Variants in MTUS2 observed in about 807,000 individuals in gnomAD.
The protein encoded by MTUS2 is microtubule-associated tumor suppressor candidate 2.
In MTUS2, 40 loss-of-function variants were observed where a neutral mutation model predicts 114.1. That is an observed-to-expected ratio of 0.35 (90% CI 0.27 to 0.46). The LOEUF is 0.46. Ranked by LOEUF, MTUS2 falls within the 20% of genes least tolerant of loss-of-function variation. MTUS2 has a pLI of 1.00. For missense variants in MTUS2, 1,679 were observed against 1,705.4 expected (o/e 0.98, Z 0.27); for synonymous variants, 688 against 672.0 (o/e 1.02, Z -0.37).
At chr13:28,895,998 G>T (rs899457015) in intron 2 of MTUS2, among the ~76,000 whole-genome samples, 1 of 152,150 alleles carries the variant, frequency 6.6e-6, no homozygotes, top group African/African-American at 2.4e-5. Context: ...ATCTGGAATA[G>T]AAAGATGTGC....
intron 2 of MTUS2, among the ~76,000 whole-genome samples, chr13:28,989,532 T>C (rs961054888): frequency 6.6e-6 from 1 of 152,202 alleles, no homozygotes; most frequent in Non-Finnish European, 1.5e-5. Context: ...AGGCTTAGAT[T>C]TGACTTGTTG....
intron 6 of MTUS2, among the ~76,000 whole-genome samples, chr13:29,285,337 T>A (rs938506980): frequency 6.6e-6 from 1 of 152,148 alleles, no homozygotes; most frequent in African/African-American, 2.4e-5. Context: ...GATAACCAAA[T>A]AGCTGGTGAG....
chr13:29,356,384 T>C (rs1373415628), intron 7 of MTUS2, among the ~76,000 whole-genome samples: 1 of 152,210 alleles, frequency 6.6e-6, no homozygotes, highest in Non-Finnish European at 1.5e-5. Flanking sequence ...AGATGTGCAT[T>C]CTAGCTTCAC....
At chr13:28,903,360 C>A (rs1879764454) in intron 2 of MTUS2, among the ~76,000 whole-genome samples, 1 of 150,442 alleles carries the variant, frequency 6.6e-6, no homozygotes, top group Non-Finnish European at 1.5e-5. Context: ...TGTGCTGCAC[C>A]CAGTAACTCA....
At chr13:28,947,657 A>G (rs1407517385) in intron 2 of MTUS2, among the ~76,000 whole-genome samples, 1 of 152,222 alleles carries the variant, frequency 6.6e-6, no homozygotes, top group African/African-American at 2.4e-5. Flanking sequence ...CTCAGTATGT[A>G]AAGAATCTAA....
intron 7 of MTUS2, among the ~76,000 whole-genome samples, chr13:29,353,513 T>C (rs1053200969): frequency 3.3e-5 from 5 of 151,984 alleles, no homozygotes; most frequent in Admixed American, 2.0e-4. Context: ...GTTGCCCAGA[T>C]TGGTCTCTAA....
At chr13:29,481,846 A>G (rs1881208420) in intron 10 of MTUS2, among the ~76,000 whole-genome samples, 1 of 152,182 alleles carries the variant, frequency 6.6e-6, no homozygotes, top group African/African-American at 2.4e-5. Flanking sequence ...GTTAGACCAT[A>G]GAGACTATGA....
At chr13:29,028,804 A>G (rs1164594973) in intron 3 of MTUS2, among the ~76,000 whole-genome samples, 1 of 152,130 alleles carries the variant, frequency 6.6e-6, no homozygotes, top group African/African-American at 2.4e-5. Context: ...CAGAATTTAG[A>G]ATGGTGCTTC....
chr13:28,879,150 C>A (rs1439080846), intron 2 of MTUS2, among the ~76,000 whole-genome samples: 1 of 151,964 alleles, frequency 6.6e-6, no homozygotes, highest in African/African-American at 2.4e-5. Context: ...TGTTTGTGTC[C>A]TTTGCTCACT....
chr13:28,832,379 A>G (rs552108149), intron 1 of MTUS2, among the ~76,000 whole-genome samples: 7 of 152,302 alleles, frequency 4.6e-5, no homozygotes, highest in African/African-American at 1.4e-4. Context: ...TCAGAAATAC[A>G]GAAAATGTGG....
At chr13:29,179,579 T>G (rs1007136343) in intron 5 of MTUS2, among the ~76,000 whole-genome samples, 1 of 152,226 alleles carries the variant, frequency 6.6e-6, no homozygotes, top group African/African-American at 2.4e-5. Context: ...TGATGCCATG[T>G]GTCCTTAACA....
intron 5 of MTUS2, among the ~76,000 whole-genome samples, chr13:29,218,492 C>T (rs1382423575): frequency 6.6e-6 from 1 of 152,290 alleles, no homozygotes; most frequent in East Asian, 1.9e-4. Context: ...AATGGTAAAT[C>T]CTTTCCGATA....
intron 2 of MTUS2, among the ~76,000 whole-genome samples, chr13:28,856,003 T>G (rs1313889310): frequency 6.6e-6 from 1 of 152,194 alleles, no homozygotes; most frequent in African/African-American, 2.4e-5. Flanking sequence ...GGTTTTGATT[T>G]GCGTTTCTCT....
At chr13:28,824,200 T>C (rs1874108079) in intron 1 of MTUS2, among the ~76,000 whole-genome samples, 3 of 150,654 alleles carry the variant, frequency 2.0e-5, no homozygotes, top group Non-Finnish European at 2.9e-5. Context: ...CAAATGATAA[T>C]AGGCCCCTGA....
intron 4 of MTUS2, among the ~76,000 whole-genome samples, chr13:29,083,853 C>A (rs1889552997): frequency 6.6e-6 from 1 of 152,056 alleles, no homozygotes; most frequent in Non-Finnish European, 1.5e-5. Flanking sequence ...ATGTATTGAT[C>A]ATTAGGCCAG....
intron 5 of MTUS2, among the ~76,000 whole-genome samples, chr13:29,153,300 C>G (rs1310910529): frequency 6.6e-6 from 1 of 152,182 alleles, no homozygotes; most frequent in Non-Finnish European, 1.5e-5. Context: ...ACCTCACATT[C>G]CTGGTGACAG....
chr13:28,982,838 T>C (rs1884420002), intron 2 of MTUS2, among the ~76,000 whole-genome samples: 1 of 152,190 alleles, frequency 6.6e-6, no homozygotes, highest in African/African-American at 2.4e-5. Context: ...GTGAAATTCA[T>C]AGACGAAAAG....
intron 7 of MTUS2, among the ~76,000 whole-genome samples, chr13:29,353,821 T>C (rs1869502917): frequency 6.6e-6 from 1 of 152,222 alleles, no homozygotes; most frequent in African/African-American, 2.4e-5. Flanking sequence ...CAGGAATTAT[T>C]TGTGGCCTTT....
intron 5 of MTUS2, among the ~76,000 whole-genome samples, chr13:29,128,903 TA>T (rs1891634165): frequency 6.6e-6 from 1 of 152,120 alleles, no homozygotes; most frequent in African/African-American, 2.4e-5. Flanking sequence ...ACATAAAAAA[TA>T]AGATAATGAG....
Sources: allele counts gnomAD v4.1 joint callset (sites outside exome capture counted in the v4.1 genomes callset), GRCh38; gene constraint gnomAD v4.1.1; transcripts MANE v1.5; gene names NCBI Gene and HGNC (gene_info 2026-07-23, HGNC 2026-07-21).